The following MYORG variants were observed in gnomAD, a reference collection of about 807,000 sequenced individuals.
MYORG encodes myogenesis regulating glycosidase.
A neutral mutation model predicts 49.8 loss-of-function variants in MYORG; 45 were observed. The observed-to-expected ratio is 0.90, with a 90% CI of 0.71 to 1.16. MYORG has a LOEUF of 1.16. Ranked by LOEUF, MYORG falls within the 50% of genes most tolerant of loss-of-function variation. MYORG has a pLI of 0.00. For missense variants in MYORG, 1,110 were observed against 1,026.5 expected, an observed-to-expected ratio of 1.08 and a Z score of -1.11; for synonymous variants, 552 against 462.9, an observed-to-expected ratio of 1.19 and a Z score of -2.47.
In MYORG at chr9:34,371,255, T is replaced by C. The variant is rs1378738694; in HGVS notation, c.1689A>G (p.Thr563=). The change falls in exon 2 of 2, where the codon ACA becomes ACG. Residue 563 remains threonine, a synonymous_variant. Transcript: ENST00000297625. ...MVGGNAVPQR[T]AGGDVPEREL... ...CGCGCTCGGGCACATCGCCGCCGGC[T>C]GTCCGCTGGGGCACGGCGTTGCCGC... The C allele has an allele frequency of 3.1e-6, 5 of 1,608,676 alleles. No individual in the cohort carries two copies. The highest frequency in any genetic ancestry group is 4.2e-6 in the Non-Finnish European group (5 of 1,177,812).
rs1192968115 is a variant in MYORG, at chr9:34,368,345, G to A, written c.*2454C>T. The A allele has an allele frequency of 6.6e-6, 1 of 152,166 alleles. No homozygotes were observed. Among genetic ancestry groups the A allele is most frequent in the African/African-American group, 2.4e-5 (1 of 41,430 alleles). The allele number at this position is 152,166 out of a possible 1,614,324, so 9.4% of individuals were successfully genotyped here. ...GTTACTTATGCAAATTTCTGCAGGG[G>A]GCTTGAATTTATCCTCAGAAAATGG... On this transcript the variant is annotated 3_prime_UTR_variant, in exon 2 of 2. Coordinates refer to ENST00000297625, the MANE Select transcript of MYORG (RefSeq NM_020702.5).
At chr9:34,375,158 T>C (rs902773677) in intron 1 of MYORG, among the ~76,000 whole-genome samples, 3 of 152,112 alleles carry the variant, frequency 2.0e-5, no homozygotes, top group South Asian at 4.1e-4. Flanking sequence ...CAGATGCCAG[T>C]GTCTGTCTCT....
In MYORG at chr9:34,370,587, G is replaced by C. The variant is rs773872272; in HGVS notation, c.*212C>G. 167 of 815,476 alleles carry C rather than the reference G, an allele frequency of 2.0e-4. No individual in the cohort carries two copies. Among genetic ancestry groups the C allele is most frequent in the Non-Finnish European group, 2.0e-4 (110 of 548,954 alleles). 50.5% of individuals were successfully genotyped at this position (815,476 alleles called of 1,614,324 possible). On this transcript the variant is annotated 3_prime_UTR_variant, in exon 2 of 2. Coordinates refer to ENST00000297625, the MANE Select transcript of MYORG (RefSeq NM_020702.5). ...TGAGTGTGGGGGTGGAAAGGGCACA[G>C]TAAGGATTGTGCGTTGGAGCAGGAG...
In MYORG at chr9:34,372,179, C is replaced by T. The variant is rs1407471206; in HGVS notation, c.765G>A (p.Ser255=). 4 of 1,611,308 alleles carry T rather than the reference C, an allele frequency of 2.5e-6. No homozygotes were observed. The South Asian group carries it at 4.4e-5, about 18-fold the overall frequency. The change falls in exon 2 of 2, where the codon TCG becomes TCA. Residue 255 remains serine (S), a synonymous_variant. Coordinates refer to ENST00000297625, the MANE Select transcript of MYORG (RefSeq NM_020702.5). The part of the protein sequence containing the change: ...FHLGWNSTER[S]LRLQARYHDT... ...CGTGGTAGCGCGCCTGAAGCCGCAG[C>T]GAGCGCTCCGTGCTGTTCCAGCCCA...
rs1038668262 is a variant in MYORG, at chr9:34,376,568, T to C, written c.-64+225A>G. Among the ~76,000 whole-genome samples the C allele has an allele frequency of 1.3e-5, 2 of 152,176 alleles. No individual in the cohort carries two copies. The highest frequency in any genetic ancestry group is 4.8e-5 in the African/African-American group (2 of 41,452). ...CGCGGGGATCGAGTGACTGCCTACA[T>C]AGCCTGGAATACTCCACAGCCGCCC... On this transcript the variant is annotated intron_variant, in intron 1 of 1. Transcript: ENST00000297625. The surrounding 1 kb of genome is among the most constrained non-coding windows in gnomAD (Gnocchi z 4.4).
intron 1 of MYORG, among the ~76,000 whole-genome samples, chr9:34,373,255 C>G (rs1026748701): frequency 6.6e-6 from 1 of 152,128 alleles, no homozygotes; most frequent in Non-Finnish European, 1.5e-5. Flanking sequence ...GGAGATGGCA[C>G]CCATCCTCAT....
chr9:34,372,513 T>A lies in MYORG; in HGVS notation c.431A>T (p.His144Leu), dbSNP rs1225868785. 1.2e-6 allele frequency: 2 copies of A among 1,601,280 alleles called. No individual in the cohort carries two copies. Among genetic ancestry groups the A allele is most frequent in the Admixed American group, 3.4e-5 (2 of 58,788 alleles). ...CSLTADGLPL[H>L]FFIQTVRPKD... The stretch of plus-strand genomic sequence containing the variant: ...GGGCCGCACAGTCTGGATGAAGAAG[T>A]GCAGCGGCAGCCCGTCGGCCGTGAG... The change falls in exon 2 of 2, where the codon CAC (histidine) becomes CTC (leucine). Residue 144 changes from histidine (H) to leucine (L), a missense_variant. His to Leu is a moderately conservative substitution (Grantham distance 99). Coordinates refer to ENST00000297625, the MANE Select transcript of MYORG (RefSeq NM_020702.5).
rs1563981545 is a variant in MYORG at position 34,371,403 on chromosome 9, CAGG to C, written c.1538_1540del (p.Ser513del). The C allele has an allele frequency of 1.2e-6, 2 of 1,613,338 alleles. No individual in the cohort carries two copies. Among genetic ancestry groups the C allele is most frequent in the East Asian group, 2.2e-5 (1 of 44,874 alleles). On this transcript the variant is annotated inframe_deletion, in exon 2 of 2. Transcript: ENST00000297625. ...GTCGCGATCCACCAGGCGGAAGAAG[CAGG>C]AGATGTTCTGTGACTGGTAGCCTAC...
intron 1 of MYORG, among the ~76,000 whole-genome samples, chr9:34,374,124 C>T (rs995438674): frequency 2.6e-5 from 4 of 152,204 alleles, no homozygotes; most frequent in African/African-American, 9.7e-5. Flanking sequence ...TACTTCCTCG[C>T]TCTGTTTCAC....
At position 34,370,608 on chromosome 9, in the gene MYORG, A is replaced by C; in HGVS notation, c.*191T>G. The C allele has an allele frequency of 1.0e-6, 1 of 974,254 alleles. No homozygotes were observed. Among genetic ancestry groups the C allele is most frequent in the Non-Finnish European group, 1.5e-6 (1 of 679,202 alleles). The allele number at this position is 974,254 out of a possible 1,614,324, so 60.4% of individuals were successfully genotyped here. A position where few individuals can be genotyped will look rare whatever the true frequency, so the allele number is the denominator to read the frequency against. ...CACAGTAAGGATTGTGCGTTGGAGCAGGAGATTGCTTCAGTGCCCCCTCCC... is the reference window on the plus strand; with the variant it reads ...CACAGTAAGGATTGTGCGTTGGAGCCGGAGATTGCTTCAGTGCCCCCTCCC... On this transcript the variant is annotated 3_prime_UTR_variant, in exon 2 of 2. Coordinates refer to ENST00000297625, the MANE Select transcript of MYORG (RefSeq NM_020702.5).
In MYORG at chr9:34,372,708, C is replaced by T. The variant is rs963035672; in HGVS notation, c.236G>A (p.Ser79Asn). 10 of 1,612,632 alleles carry T rather than the reference C, an allele frequency of 6.2e-6. No individual in the cohort carries two copies. Among genetic ancestry groups the T allele is most frequent in the Non-Finnish European group, 8.5e-6 (10 of 1,179,444 alleles). ...TCGCTCCGCCTTGCGTAGGGAGACG[C>T]TGTAGTAGCACCAGGCCACCACCGC... ...LAAVVAWCYY[S>N]VSLRKAERLR... The change falls in exon 2 of 2, where the codon AGC (serine) becomes AAC (asparagine). Residue 79 changes from serine to asparagine, a missense_variant. By Grantham distance (46) the Ser-to-Asn change is conservative. Coordinates refer to ENST00000297625, the MANE Select transcript of MYORG (RefSeq NM_020702.5).
At chr9:34,374,973 G>A (rs1237357497) in intron 1 of MYORG, among the ~76,000 whole-genome samples, 1 of 151,162 alleles carries the variant, frequency 6.6e-6, no homozygotes, top group African/African-American at 2.4e-5. Flanking sequence ...GTCCTACTCT[G>A]CCACTCAAGG....
chr9:34,371,486 C>G lies in MYORG; in HGVS notation c.1458G>C (p.Trp486Cys). Residue 486 changes from tryptophan (W) to cysteine (C), a missense_variant, in exon 2 of 2, where the codon TGG becomes TGC. Physicochemically the swap from Trp to Cys is radical, Grantham distance 215. Coordinates refer to ENST00000297625, the MANE Select transcript of MYORG (RefSeq NM_020702.5). Reference sequence around the variant, plus strand: ...GCGCCATCTCAGTGTAGCGCCGGCTCCAGACGCTGGGGTCCGGCAGCGGCC... The same window carrying G: ...GCGCCATCTCAGTGTAGCGCCGGCTGCAGACGCTGGGGTCCGGCAGCGGCC... ...TYRPLPDPSVWSRRYTEMALP... is the reference protein window; with the variant it reads ...TYRPLPDPSVCSRRYTEMALP... 6.2e-7 allele frequency: 1 copy of G among 1,612,000 alleles called. No individual in the cohort carries two copies.
Position 34,371,548 on chromosome 9 carries a change from C to T in MYORG, c.1396G>A (p.Glu466Lys). ...SVASFKFDAG[E>K]VSYLPRDFST... ...AAGTCCCGCGGCAGGTAGCTGACCT[C>T]GCCCGCGTCGAACTTGAAGGAAGCC... The change falls in exon 2 of 2, where the codon GAG (glutamate) becomes AAG (lysine). Residue 466 changes from glutamate (E) to lysine (K), a missense_variant. Physicochemically the swap from Glu to Lys is moderately conservative, Grantham distance 56. Transcript: ENST00000297625. 1 of 1,605,148 alleles carries T rather than the reference C, an allele frequency of 6.2e-7. No homozygotes were observed. The highest frequency in any genetic ancestry group is 1.1e-5 in the South Asian group (1 of 90,878).
At position 34,376,456 on chromosome 9, in the gene MYORG, G is replaced by T. The variant is rs896915631; in HGVS notation, c.-64+337C>A. On this transcript the variant is annotated intron_variant, in intron 1 of 1. Coordinates refer to ENST00000297625, the MANE Select transcript of MYORG (RefSeq NM_020702.5). This position sits in a 1 kb window ranked among gnomAD's most constrained non-coding sequence, Gnocchi z 4.4. ...AGGGGAGGCCATTCCAAGTAGAATC[G>T]TTAGTTGGACACAGTTCCCGGGGGG... Among the ~76,000 whole-genome samples, 1 of 152,222 alleles carries T rather than the reference G, an allele frequency of 6.6e-6. No individual in the cohort carries two copies.
chr9:34,371,596 G>T lies in MYORG; in HGVS notation c.1348C>A (p.Arg450=). The T allele has an allele frequency of 6.2e-7, 1 of 1,604,710 alleles. No homozygotes were observed. Among genetic ancestry groups the T allele is most frequent in the Non-Finnish European group, 8.5e-7 (1 of 1,178,348 alleles). The part of the protein sequence containing the change: ...ARDWFQGHLR[R]LRSRYSVASF... ...GCCACGGAGTAGCGAGAGCGCAGCC[G>T]CCGCAGGTGTCCCTGGAACCAGTCG... Residue 450 remains arginine, a synonymous_variant, in exon 2 of 2, where the codon CGG becomes AGG. Transcript: ENST00000297625.
At position 34,372,873 on chromosome 9, in the gene MYORG, C is replaced by T. The variant is rs1006112382; in HGVS notation, c.71G>A (p.Arg24His). 1 of 1,613,928 alleles carries T rather than the reference C, an allele frequency of 6.2e-7. No homozygotes were observed. Among genetic ancestry groups the T allele is most frequent in the South Asian group, 1.1e-5 (1 of 91,076 alleles). ...GGCTGCGATGGCCTCGGGGTTCTGA[C>T]GGTATGCGTAGCAGCCAGGCCGGCG... Reference protein sequence around the residue: ...RRRRPGCYAYRQNPEAIAAAA... With the variant: ...RRRRPGCYAYHQNPEAIAAAA... Residue 24 changes from arginine (R) to histidine (H), a missense_variant, in exon 2 of 2, where the codon CGT (arginine) becomes CAT (histidine). Transcript: ENST00000297625.
chr9:34,375,873 G>C (rs1159931430), intron 1 of MYORG, among the ~76,000 whole-genome samples: 1 of 152,220 alleles, frequency 6.6e-6, no homozygotes, highest in African/African-American at 2.4e-5. Flanking sequence ...ACAGCATCCA[G>C]TTCTATCAAC....
At position 34,369,629 on chromosome 9, in the gene MYORG, C is replaced by G. The variant is rs1820553381; in HGVS notation, c.*1170G>C. On this transcript the variant is annotated 3_prime_UTR_variant, in exon 2 of 2. Transcript: ENST00000297625. ...AGCTGATTGTGCCACTGCACTCCAA[C>G]CTGGGTGACAGAGCAAGACTCCATC... is the stretch of plus-strand genomic sequence containing the variant. 1 of 152,004 alleles carries G rather than the reference C, an allele frequency of 6.6e-6. No homozygotes were observed. The highest frequency in any genetic ancestry group is 2.4e-5 in the African/African-American group (1 of 41,226). The allele number at this position is 152,004 out of a possible 1,614,324, so 9.4% of individuals were successfully genotyped here.
Sources: gnomAD v4.1 joint callset for allele counts (sites outside exome capture counted in the v4.1 genomes callset) on GRCh38, gnomAD v4.1.1 for gene constraint, Gnocchi (gnomAD v3.1) non-coding constraint, MANE v1.5 for transcripts, NCBI Gene and HGNC (gene_info 2026-07-23, HGNC 2026-07-21) for gene names.